The following CDKAL1 variants were observed in gnomAD, a reference collection of about 807,000 sequenced individuals.
CDKAL1 encodes the protein CDKAL1 threonylcarbamoyladenosine tRNA methylthiotransferase.
A neutral mutation model predicts 68.2 loss-of-function variants in CDKAL1; 32 were observed. The observed-to-expected ratio is 0.47, with a 90% confidence interval of 0.35 to 0.63. The LOEUF (loss-of-function observed/expected upper bound fraction) is 0.63, where lower values mean the gene tolerates loss of function less well. Among genes scored for constraint, CDKAL1 ranks in the 30% least tolerant of loss-of-function variants. The pLI, the probability that CDKAL1 is intolerant of heterozygous loss-of-function variation, is 0.00. For synonymous variants in CDKAL1, 234 were observed against 244.3 expected (o/e 0.96, Z 0.39); for missense variants, 606 against 696.7 (o/e 0.87, Z 1.47).
intron 13 of CDKAL1, among the ~76,000 whole-genome samples, chr6:21,137,435 TTGTTTTTCACAGCC>T (rs1387010955): frequency 6.6e-6 from 1 of 152,346 alleles, no homozygotes; most frequent in Admixed American, 6.5e-5. Flanking sequence ...TTAATTTATT[TTGTTTTTCACAGCC>T]TGTTATGGTT....
intron 2 of CDKAL1, among the ~76,000 whole-genome samples, chr6:20,536,468 A>G (rs1246001531): frequency 6.6e-6 from 1 of 151,962 alleles, no homozygotes; most frequent in African/African-American, 2.4e-5. Flanking sequence ...ACATGTTGCT[A>G]TCCAGTTATC....
chr6:21,168,684 A>C (rs1405033861), intron 13 of CDKAL1, among the ~76,000 whole-genome samples: 1 of 152,200 alleles, frequency 6.6e-6, no homozygotes, highest in Non-Finnish European at 1.5e-5. Flanking sequence ...AAGAGCTATA[A>C]ATACAATTTG....
chr6:20,810,440 ACACACG>A (rs1776758330), intron 8 of CDKAL1, among the ~76,000 whole-genome samples: 1 of 103,358 alleles, frequency 9.7e-6, no homozygotes, highest in Non-Finnish European at 2.0e-5. Flanking sequence ...ACACACACAC[ACACACG>A]TGGTGTCATG....
intron 13 of CDKAL1, among the ~76,000 whole-genome samples, chr6:21,184,432 T>A (rs1338676366): frequency 2.0e-5 from 3 of 152,078 alleles, no homozygotes; most frequent in Non-Finnish European, 4.4e-5. Context: ...TGGCCTCAAG[T>A]GATCAACCCA....
chr6:20,896,098 CT>C (rs1291895133), intron 9 of CDKAL1, among the ~76,000 whole-genome samples: 2 of 104,128 alleles, frequency 1.9e-5, no homozygotes, highest in African/African-American at 3.5e-5. Context: ...CTTTTCTTTT[CT>C]TTTCTTTTTT....
chr6:20,853,394 A>C (rs1490785611), intron 9 of CDKAL1, among the ~76,000 whole-genome samples: 1 of 32,360 alleles, frequency 3.1e-5, no homozygotes, highest in Admixed American at 4.4e-4. Context: ...AACAAAACAA[A>C]AAAAAAACAA....
chr6:20,729,604 C>A (rs1772813652), intron 5 of CDKAL1, among the ~76,000 whole-genome samples: 1 of 152,164 alleles, frequency 6.6e-6, no homozygotes, highest in Non-Finnish European at 1.5e-5. Flanking sequence ...AAAGTGCTTT[C>A]ACATATTAAC....
At position 20,556,365 on chromosome 6, in the gene CDKAL1, CA is replaced by C. The variant is rs899361045; in HGVS notation, c.286+7671del. On this transcript the variant is annotated intron_variant, in intron 4 of 15. Coordinates refer to ENST00000274695, the MANE Select transcript of CDKAL1 (RefSeq NM_017774.3). ...GGGTAACAAGACTGAAACTCCGCCT[CA>C]AAAAAAAAAAGTAAGCTGTTTCTTC... Among the ~76,000 whole-genome samples, 388 of 142,532 alleles carry C rather than the reference CA, an allele frequency of 2.7e-3. 1 individual carries two copies. Among genetic ancestry groups the C allele is most frequent in the African/African-American group, 9.0e-3 (353 of 39,078 alleles). 93.5% of individuals were successfully genotyped at this position (142,532 alleles called of 152,430 possible).
At chr6:20,714,406 T>TTTTTTTG (rs1562046861) in intron 5 of CDKAL1, among the ~76,000 whole-genome samples, 1 of 104,154 alleles carries the variant, frequency 9.6e-6, no homozygotes, top group Non-Finnish European at 1.8e-5. Flanking sequence ...TTTTTTTTTT[T>TTTTTTTG]GAGACAGAAT....
intron 2 of CDKAL1, among the ~76,000 whole-genome samples, chr6:20,543,318 GC>G (rs1280971603): frequency 1.3e-5 from 2 of 152,242 alleles, no homozygotes; most frequent in East Asian, 3.9e-4. Context: ...TTGCATCCTT[GC>G]CGGTGTTTGG....
intron 11 of CDKAL1, among the ~76,000 whole-genome samples, chr6:21,009,094 T>C (rs995950905): frequency 8.5e-5 from 13 of 152,198 alleles, no homozygotes; most frequent in African/African-American, 3.1e-4. Context: ...ATTCTCACAA[T>C]GGCACATATT....
chr6:20,609,384 TTCTTCTTCTTCTTCTTC>T (rs1047650204), intron 4 of CDKAL1, among the ~76,000 whole-genome samples: 2 of 106,292 alleles, frequency 1.9e-5, no homozygotes, highest in African/African-American at 3.5e-5. Flanking sequence ...CTTCTTCTTC[TTCTTCTTCTTCTTCTTC>T]TTTTTTTTTT....
chr6:20,901,573 C>T (rs1429892529), intron 9 of CDKAL1, among the ~76,000 whole-genome samples: 3 of 144,474 alleles, frequency 2.1e-5, no homozygotes, highest in African/African-American at 5.1e-5. Flanking sequence ...CCCAGCTACT[C>T]GGGAGACTGA....
chr6:20,534,952 A>G (rs1763110230), intron 1 of CDKAL1: 1 of 152,224 alleles, frequency 6.6e-6, no homozygotes, highest in South Asian at 2.1e-4. Flanking sequence ...TGAGAAAAGC[A>G]GGTGTCTTGC....
chr6:21,169,690 G>C (rs1777295417), intron 13 of CDKAL1, among the ~76,000 whole-genome samples: 1 of 152,136 alleles, frequency 6.6e-6, no homozygotes, highest in African/African-American at 2.4e-5. Flanking sequence ...CTGTTCTCAT[G>C]CTGCTAATAA....
At chr6:20,678,961 G>A (rs1275693186) in intron 5 of CDKAL1, among the ~76,000 whole-genome samples, 1 of 152,152 alleles carries the variant, frequency 6.6e-6, no homozygotes, top group African/African-American at 2.4e-5. Flanking sequence ...GCAGTGTCAT[G>A]AGGCATGGTT....
chr6:20,673,490 A>T (rs979041163), intron 5 of CDKAL1, among the ~76,000 whole-genome samples: 2 of 152,226 alleles, frequency 1.3e-5, no homozygotes, highest in Non-Finnish European at 2.9e-5. Context: ...GTACGGACAC[A>T]GTTGTTTTCC....
intron 15 of CDKAL1, among the ~76,000 whole-genome samples, chr6:21,219,933 G>C (rs1443361476): frequency 1.3e-5 from 2 of 152,174 alleles, no homozygotes; most frequent in Admixed American, 6.5e-5. Context: ...TGTGTGCGCT[G>C]CATGGAATGA....
intron 4 of CDKAL1, among the ~76,000 whole-genome samples, chr6:20,624,798 G>A (rs1767353875): frequency 6.6e-6 from 1 of 152,056 alleles, no homozygotes; most frequent in South Asian, 2.1e-4. Context: ...TGCCTGCGGA[G>A]TATATAGAGG....
Sources: allele counts gnomAD v4.1 joint callset (sites outside exome capture counted in the v4.1 genomes callset), GRCh38; gene constraint gnomAD v4.1.1; transcripts MANE v1.5; gene names NCBI Gene and HGNC (gene_info 2026-07-23, HGNC 2026-07-21).